Variants in NEB observed in about 807,000 individuals in gnomAD.
NEB encodes nemaline myopathy type 2.
NEB carries 512 observed loss-of-function variants against 952.2 expected under a neutral mutation model. That is an observed-to-expected ratio of 0.54 (90% CI 0.50 to 0.58). The LOEUF is 0.58. NEB is among the 20% of genes least tolerant of loss of function. NEB has a pLI of 0.00. For synonymous variants in NEB, 2,900 were observed against 3,149.8 expected, an observed-to-expected ratio of 0.92 and a Z score of 2.66; for missense variants, 8,428 against 9,231.1, an observed-to-expected ratio of 0.91 and a Z score of 3.56.
intron 10 of NEB, 68 bp from the exon 11 acceptor site, chr2:151,710,606 G>A: frequency 1.1e-6 from 1 of 920,050 alleles, no homozygotes; most frequent in Non-Finnish European, 1.6e-6. Flanking sequence ...AGCAAATTAA[G>A]AAATAATGAT....
At chr2:151,709,554 A>T in intron 12 of NEB, 102 bp downstream of exon 12, 1 of 844,808 alleles carries the variant, frequency 1.2e-6, no homozygotes. Flanking sequence ...TTCCCCCAAG[A>T]ACCACTCCTC....
At chr2:151,611,283 C>T (rs1430457578) in intron 78 of NEB, among the ~76,000 whole-genome samples, 2 of 152,192 alleles carry the variant, frequency 1.3e-5, no homozygotes, top group African/African-American at 4.8e-5. Context: ...TAACTCCTCA[C>T]ATTCCTCATT....
intron 168 of NEB, among the ~76,000 whole-genome samples, chr2:151,500,425 C>CAGACAG (rs60202285): frequency 3.3e-5 from 5 of 150,930 alleles, no homozygotes; most frequent in African/African-American, 4.9e-5. Context: ...GTATATAATA[C>CAGACAG]ACAAATAATT....
At chr2:151,698,901 G>T (rs373197639) in intron 13 of NEB, among the ~76,000 whole-genome samples, 1 of 142,510 alleles carries the variant, frequency 7.0e-6, no homozygotes, top group Admixed American at 6.9e-5. Flanking sequence ...TAAGTTTTAG[G>T]GTACATGTGC....
At chr2:151,617,504 A>AGAG in intron 74 of NEB, 36 bp from the exon 75 acceptor site, 1 of 1,339,406 alleles carries the variant, frequency 7.5e-7, no homozygotes, top group Non-Finnish European at 1.0e-6. Flanking sequence ...AGAGAGAGAG[A>AGAG]AAAATTATTT....
In NEB at chr2:151,562,615, C is replaced by T. The variant is rs761975896; in HGVS notation, c.18887G>A (p.Ser6296Asn). The T allele has an allele frequency of 2.5e-6, 4 of 1,569,780 alleles. No individual in the cohort carries two copies. The highest frequency in any genetic ancestry group is 1.7e-4 in the Middle Eastern group (1 of 5,850). Reference sequence around the variant, plus strand: ...GCTGCAGAAGGGACATCATACATCACTCAAGATCTCCTGGGCGTTTCGGAC... The same window carrying T: ...GCTGCAGAAGGGACATCATACATCATTCAAGATCTCCTGGGCGTTTCGGAC... Reference protein sequence around the residue: ...IRVRNAQEILSDNVYKDDLNW... With the variant: ...IRVRNAQEILNDNVYKDDLNW... Residue 6296 changes from serine (S) to asparagine (N), a missense_variant, in exon 120 of 182, where the codon AGT (serine) becomes AAT (asparagine). This residue lies in a region of NEB where 3,374 missense variants were observed against 3,651.5 expected (regional missense o/e 0.92). Coordinates refer to ENST00000397345, the MANE Select transcript of NEB (RefSeq NM_001164508.2).
At chr2:151,679,687 C>G in intron 32 of NEB, 34 bp downstream of exon 32, 3 of 343,998 alleles carry the variant, frequency 8.7e-6, no homozygotes, top group Non-Finnish European at 1.2e-5. Flanking sequence ...CCCACATTTT[C>G]TAGTTGCCCA....
intron 76 of NEB, among the ~76,000 whole-genome samples, chr2:151,615,348 T>A (rs576177807): frequency 1.3e-5 from 2 of 152,258 alleles, no homozygotes; most frequent in African/African-American, 4.8e-5. Flanking sequence ...AAAGTCTGGA[T>A]TTGAGTCCTA....
chr2:151,545,044 A>G (rs935793146), intron 135 of NEB, among the ~76,000 whole-genome samples: 1 of 152,252 alleles, frequency 6.6e-6, no homozygotes, highest in African/African-American at 2.4e-5. Context: ...TCATCAAGGA[A>G]CCAACACTCT....
At position 151,524,695 on chromosome 2, in the gene NEB, C is replaced by T. The variant is rs529799103; in HGVS notation, c.22273-79G>A. 249 of 1,067,564 alleles carry T rather than the reference C, an allele frequency of 2.3e-4. 3 individuals are homozygous for T. In the South Asian group the frequency reaches 3.4e-3, roughly 15 times the overall value. 66.1% of individuals were successfully genotyped at this position (1,067,564 alleles called of 1,614,324 possible). A position where few individuals can be genotyped will look rare whatever the true frequency, so the allele number is the denominator to read the frequency against. Reference sequence around the variant, plus strand: ...TTTTTTTTTTTTTTTGAGATGGAATCTCACTCTGTTGCCCAGGCTTGAGTG... The same window carrying T: ...TTTTTTTTTTTTTTTGAGATGGAATTTCACTCTGTTGCCCAGGCTTGAGTG... On this transcript the variant is annotated intron_variant, in intron 151 of 181. Coordinates refer to ENST00000397345, the MANE Select transcript of NEB (RefSeq NM_001164508.2).
rs757218213 is a variant in NEB, at chr2:151,692,099, T to C, written c.2066A>G (p.Tyr689Cys). The C allele has an allele frequency of 3.1e-6, 5 of 1,613,910 alleles. No individual in the cohort carries two copies. Among genetic ancestry groups the C allele is most frequent in the Middle Eastern group, 1.6e-4 (1 of 6,084 alleles). The change falls in exon 22 of 182, where the codon TAT becomes TGT. Residue 689 changes from tyrosine to cysteine, a missense_variant. Physicochemically the swap from Tyr to Cys is radical, Grantham distance 194 (BLOSUM62 -2). Coordinates refer to ENST00000397345, the MANE Select transcript of NEB (RefSeq NM_001164508.2). ...TGCAACTTTCATGCAGTGTGTGTGA[T>C]ATGGGTCCTCCATGCTGCCTACATA... The part of the protein sequence containing the change: ...GHYVGSMEDP[Y>C]HTHCMKVAAQ...
chr2:151,546,017 AAC>A lies in NEB; in HGVS notation c.20467-21_20467-20del, dbSNP rs2094627625. ...AATTAGACTTAAAAAAAAAAAAAAA[AAC>A]AGAAATACAAGTTGATTAATCATTT... On this transcript the variant is annotated intron_variant, in intron 134 of 181. Transcript: ENST00000397345. The A allele has an allele frequency of 7.2e-7, 1 of 1,383,484 alleles. No individual in the cohort carries two copies. Among genetic ancestry groups the A allele is most frequent in the African/African-American group, 1.4e-5 (1 of 69,106 alleles). 85.7% of individuals were successfully genotyped at this position (1,383,484 alleles called of 1,614,324 possible).
At chr2:151,690,543 A>T (rs2099540378) in intron 24 of NEB, 184 bp downstream of exon 24, 1 of 567,400 alleles carries the variant, frequency 1.8e-6, no homozygotes, top group Non-Finnish European at 3.2e-6. Flanking sequence ...TTATTGTCTA[A>T]CACAACTTTC....
chr2:151,731,301 G>A (rs941773215), intron 3 of NEB, among the ~76,000 whole-genome samples: 3 of 152,052 alleles, frequency 2.0e-5, no homozygotes, highest in African/African-American at 2.4e-5. Flanking sequence ...TTAGAGCTGT[G>A]CCACTAATTA....
At position 151,534,230 on chromosome 2, in the gene NEB, G is replaced by A. The variant is rs774372075; in HGVS notation, c.21313-684C>T. ...ATCACAGTACCTGACTGATCTGGTC[G>A]CCTGCGGTCTTAGCCAGCAGATGTC... On this transcript the variant is annotated intron_variant, in intron 142 of 181. Coordinates refer to ENST00000397345, the MANE Select transcript of NEB (RefSeq NM_001164508.2). 1.2e-5 allele frequency: 20 copies of A among 1,613,264 alleles called. No homozygotes were observed. The highest frequency in any genetic ancestry group is 4.4e-5 in the South Asian group (4 of 91,068).
Position 151,639,952 on chromosome 2 carries a change from T to G in NEB, c.8794A>C (p.Ile2932Leu), listed in dbSNP as rs2098826922. ...AATCTGTCTGGAGGCTGGCGATAGA[T>G]TTTATCACTCAAAATTTCAGTTGCC... is the stretch of plus-strand genomic sequence containing the variant. Reference protein sequence around the residue: ...KRATEILSDKIYRQPPDRFKF... With the variant: ...KRATEILSDKLYRQPPDRFKF... The change falls in exon 62 of 182, where the codon ATC (isoleucine) becomes CTC (leucine). Residue 2932 changes from isoleucine to leucine, a missense_variant. Ile to Leu is a conservative substitution (Grantham distance 5). Coordinates refer to ENST00000397345, the MANE Select transcript of NEB (RefSeq NM_001164508.2). 6.2e-7 allele frequency: 1 copy of G among 1,614,018 alleles called. No individual in the cohort carries two copies. Among genetic ancestry groups the G allele is most frequent in the African/African-American group, 1.3e-5 (1 of 75,062 alleles).
chr2:151,693,580 T>A (rs902832536), intron 20 of NEB, among the ~76,000 whole-genome samples: 3 of 152,228 alleles, frequency 2.0e-5, no homozygotes, highest in Non-Finnish European at 4.4e-5. Context: ...TCCATGTCCC[T>A]GCAAAGGACA....
Position 151,724,276 on chromosome 2 carries a change from G to A in NEB, c.596C>T (p.Thr199Ile). The part of the protein sequence containing the change: ...APELVQAVKN[T>I]AMFSKKLYTE... Reference sequence around the variant, plus strand: ...GACCCTTACCTTGCTGAACATGGCGGTGTTCTTAACGGCCTGGACAAGTTC... The same window carrying A: ...GACCCTTACCTTGCTGAACATGGCGATGTTCTTAACGGCCTGGACAAGTTC... Residue 199 changes from threonine (T) to isoleucine (I), a missense_variant, in exon 8 of 182, where the codon ACC (threonine) becomes ATC (isoleucine). Around this residue, in one of 11 missense-constraint regions of NEB, gnomAD observed 2,851 missense variants for 2,791.5 expected, o/e 1.02. Coordinates refer to ENST00000397345, the MANE Select transcript of NEB (RefSeq NM_001164508.2). 1 of 1,612,846 alleles carries A rather than the reference G, an allele frequency of 6.2e-7. No homozygotes were observed. The highest frequency in any genetic ancestry group is 8.5e-7 in the Non-Finnish European group (1 of 1,179,350).
Position 151,540,426 on chromosome 2 carries a change from T to A in NEB, c.20810A>T (p.Glu6937Val). Residue 6937 changes from glutamate to valine, a missense_variant, in exon 138 of 182, where the codon GAA becomes GTA. This residue lies in a region of NEB where 3,374 missense variants were observed against 3,651.5 expected (regional missense o/e 0.92). Coordinates refer to ENST00000397345, the MANE Select transcript of NEB (RefSeq NM_001164508.2). ...VSEKKYKIQY[E>V]KMKDKYTPVP... ...CGGAGTGTACTTGTCTTTCATCTTT[T>A]CATATTGAATCTTGTACTTTTTCTG... 6.4e-7 allele frequency: 1 copy of A among 1,568,612 alleles called. No individual in the cohort carries two copies.
Sources: allele counts gnomAD v4.1 joint callset (sites outside exome capture counted in the v4.1 genomes callset), GRCh38; gene constraint gnomAD v4.1.1; regional missense constraint gnomAD v4.1.1; transcripts MANE v1.5; gene names NCBI Gene and HGNC (gene_info 2026-07-23, HGNC 2026-07-21).